Variants in CLEC16A observed in about 807,000 individuals in gnomAD.
CLEC16A encodes the protein C-type lectin domain containing 16A.
CLEC16A carries 51 observed loss-of-function variants against 109.5 expected under a neutral mutation model. The ratio of observed to expected loss-of-function variants is 0.47; its 90% CI spans 0.37 to 0.59. The LOEUF (loss-of-function observed/expected upper bound fraction) is 0.59. Among genes scored for constraint, CLEC16A ranks in the 20% least tolerant of loss-of-function variants. The pLI, the probability that CLEC16A is intolerant of heterozygous loss-of-function variation, is 0.00. For missense variants in CLEC16A, 1,339 were observed against 1,394.0 expected (o/e 0.96, Z 0.63); for synonymous variants, 673 against 564.2 (o/e 1.19, Z -2.73).
chr16:11,047,530 C>T (rs1597193893), intron 17 of CLEC16A, 188 bp downstream of exon 17: 1 of 434,666 alleles, frequency 2.3e-6, no homozygotes, highest in Non-Finnish European at 4.1e-6. Flanking sequence ...ACTATATTCT[C>T]TCCCTCTAAC....
At chr16:11,090,561 C>A (rs1278496253) in intron 19 of CLEC16A, among the ~76,000 whole-genome samples, 2 of 152,176 alleles carry the variant, frequency 1.3e-5, no homozygotes, top group Non-Finnish European at 2.9e-5. Flanking sequence ...CAACTCCCCG[C>A]TTACCTAACA....
chr16:11,084,313 G>A (rs891718316), intron 19 of CLEC16A, among the ~76,000 whole-genome samples: 18 of 152,218 alleles, frequency 1.2e-4, no homozygotes, highest in African/African-American at 3.9e-4. Flanking sequence ...CCCACTGTGT[G>A]TGATTTTCTA....
intron 19 of CLEC16A, among the ~76,000 whole-genome samples, chr16:11,102,760 T>A (rs1567320748): frequency 6.6e-6 from 1 of 152,218 alleles, no homozygotes. Flanking sequence ...CTGCTGGTTC[T>A]TGCTGGGTGG....
rs771791173 is a variant in CLEC16A, at chr16:11,126,098, G to A, written c.2593G>A (p.Asp865Asn). 2.0e-5 allele frequency: 33 copies of A among 1,613,800 alleles called. No homozygotes were observed. Among genetic ancestry groups the A allele is most frequent in the South Asian group, 1.5e-4 (14 of 91,066 alleles). Residue 865 changes from aspartate to asparagine, a missense_variant, in exon 22 of 24, where the codon GAC (aspartate) becomes AAC (asparagine). By Grantham distance (23) the Asp-to-Asn change is conservative. Coordinates refer to ENST00000409790, the MANE Select transcript of CLEC16A (RefSeq NM_015226.3). ...FYDQGRRGSS[D>N]PTVQRSVFAS... ...CGACCAGGGGCGCCGGGGCAGCAGC[G>A]ACCCCACAGTGCAGCGCTCCGTGTT...
intron 19 of CLEC16A, among the ~76,000 whole-genome samples, chr16:11,079,180 C>G (rs1398337990): frequency 1.3e-5 from 2 of 152,208 alleles, no homozygotes; most frequent in Admixed American, 6.5e-5. Context: ...CCTTGCAGAA[C>G]TTGAAACTCC....
chr16:11,109,067 C>T (rs1014874547), intron 19 of CLEC16A, among the ~76,000 whole-genome samples: 4 of 140,764 alleles, frequency 2.8e-5, no homozygotes, highest in East Asian at 2.1e-4. Flanking sequence ...GCTGAGATCG[C>T]GCCACTGCAC....
chr16:11,024,221 C>T (rs1163359273), intron 12 of CLEC16A: 1 of 152,810 alleles, frequency 6.5e-6, no homozygotes, highest in Non-Finnish European at 1.5e-5. Flanking sequence ...AAATGCTTTT[C>T]AGTCTTCATT....
At chr16:11,109,721 T>A (rs1445755533) in intron 19 of CLEC16A, among the ~76,000 whole-genome samples, 2 of 152,202 alleles carry the variant, frequency 1.3e-5, no homozygotes, top group African/African-American at 4.8e-5. Context: ...CTATCAGCTG[T>A]GGGCCCTGCT....
chr16:11,067,154 GGGTTTTTTTTTT>G (rs1216877107), intron 19 of CLEC16A, among the ~76,000 whole-genome samples: 92 of 142,106 alleles, frequency 6.5e-4, no homozygotes, highest in African/African-American at 2.2e-3. Context: ...GTTGTTGTGG[GGGTTTTTTTTTT>G]GGTTTTTTTT....
chr16:11,114,961 C>G (rs968711565), intron 19 of CLEC16A, among the ~76,000 whole-genome samples: 4 of 152,254 alleles, frequency 2.6e-5, no homozygotes, highest in Admixed American at 6.5e-5. Flanking sequence ...AAATCTCTCA[C>G]TGTGTTCTCA....
intron 21 of CLEC16A, among the ~76,000 whole-genome samples, chr16:11,125,073 G>A (rs181099864): frequency 9.5e-4 from 144 of 152,194 alleles, no homozygotes; most frequent in African/African-American, 3.3e-3. Flanking sequence ...TAGGAGACGG[G>A]GTGAGACCCT....
chr16:10,952,923 A>G (rs2041807967), intron 1 of CLEC16A, among the ~76,000 whole-genome samples: 1 of 152,270 alleles, frequency 6.6e-6, no homozygotes, highest in South Asian at 2.1e-4. Context: ...TGCTGTAAAT[A>G]TCAGAATGTT....
chr16:11,016,772 G>T (rs538859645), intron 11 of CLEC16A, among the ~76,000 whole-genome samples: 1 of 152,112 alleles, frequency 6.6e-6, no homozygotes, highest in African/African-American at 2.4e-5. Flanking sequence ...AAGGCTTTCT[G>T]TGCAGCTAGA....
At chr16:10,969,752 G>A (rs1273992567) in intron 4 of CLEC16A, among the ~76,000 whole-genome samples, 1 of 152,118 alleles carries the variant, frequency 6.6e-6, no homozygotes, top group Admixed American at 6.5e-5. Context: ...TTGCCCTGTG[G>A]GAAAAACAGG....
intron 10 of CLEC16A, among the ~76,000 whole-genome samples, chr16:10,996,962 TTTTG>T (rs966519584): frequency 4.6e-5 from 7 of 152,166 alleles, no homozygotes; most frequent in Admixed American, 1.3e-4. Context: ...TTTTGGTGTT[TTTTG>T]TTTGTTTGTT....
Position 10,962,508 on chromosome 16 carries a change from A to T in CLEC16A, c.263A>T (p.Lys88Met). Residue 88 changes from lysine (K) to methionine (M), a missense_variant, in exon 3 of 24, where the codon AAG becomes ATG. By Grantham distance (95) the Lys-to-Met change is moderately conservative. Coordinates refer to ENST00000409790, the MANE Select transcript of CLEC16A (RefSeq NM_015226.3). ...FVFFLNILRQ[K>M]SGRYVCVQLL... ...TTCTTCTTGAACATCTTGCGGCAAA[A>T]GTCGGGCCGTTACGTGTGCGTTCAG... is the stretch of plus-strand genomic sequence containing the variant. 1 of 1,613,868 alleles carries T rather than the reference A, an allele frequency of 6.2e-7. No homozygotes were observed.
At position 10,969,296 on chromosome 16, in the gene CLEC16A, T is replaced by G; in HGVS notation, c.479T>G (p.Phe160Cys). The G allele has an allele frequency of 6.2e-7, 1 of 1,609,636 alleles. No homozygotes were observed. The highest frequency in any genetic ancestry group is 1.1e-5 in the South Asian group (1 of 90,334). Residue 160 changes from phenylalanine (F) to cysteine (C), a missense_variant, in exon 4 of 24, where the codon TTC becomes TGC. By Grantham distance (205) the Phe-to-Cys change is radical. This residue lies in a region of CLEC16A where 161 missense variants were observed against 267.1 expected (regional missense o/e 0.60). Transcript: ENST00000409790. ...AAACTCAACAACCACACTGTCCATT[T>G]CTTTTATAATGAGGTAAGTAATTGC... is the stretch of plus-strand genomic sequence containing the variant. ...SLKLNNHTVH[F>C]FYNEHTNDFA...
At chr16:11,158,567 C>T (rs1276460209) in intron 22 of CLEC16A, among the ~76,000 whole-genome samples, 2 of 152,162 alleles carry the variant, frequency 1.3e-5, no homozygotes, top group Non-Finnish European at 2.9e-5. Context: ...ACTCAAAAGC[C>T]CCCCACCTCC....
chr16:11,020,075 C>A, intron 11 of CLEC16A, 118 bp from the exon 12 acceptor site: 1 of 1,206,486 alleles, frequency 8.3e-7, no homozygotes, highest in Non-Finnish European at 1.1e-6. Context: ...TGCTGTCGGA[C>A]ATGTGCTTGA....
Sources: allele counts gnomAD v4.1 joint callset (sites outside exome capture counted in the v4.1 genomes callset), GRCh38; gene constraint gnomAD v4.1.1; regional missense constraint gnomAD v4.1.1; transcripts MANE v1.5; gene names NCBI Gene and HGNC (gene_info 2026-07-23, HGNC 2026-07-21).